CCDC38: variants seen among roughly 807,000 people sequenced by gnomAD.
The protein encoded by CCDC38 is coiled-coil domain-containing protein 38.
Under a neutral mutation model 72.8 loss-of-function variants are expected in CCDC38, and 69 were observed. The observed-to-expected ratio is 0.95, with a 90% CI of 0.78 to 1.16. The LOEUF is 1.16. Ranked by LOEUF, CCDC38 falls within the 50% of genes most tolerant of loss-of-function variation. The pLI, the probability that CCDC38 is intolerant of heterozygous loss-of-function variation, is 0.00. For synonymous variants in CCDC38, 201 were observed against 213.2 expected (o/e 0.94, Z 0.50); for missense variants, 626 against 638.9 (o/e 0.98, Z 0.22).
At chr12:95,878,894 C>A (rs951253926) in intron 12 of CCDC38, among the ~76,000 whole-genome samples, 4 of 152,130 alleles carry the variant, frequency 2.6e-5, no homozygotes, top group Non-Finnish European at 5.9e-5. Flanking sequence ...TAATGGGTAG[C>A]TGTGAGATAA....
chr12:95,880,441 G>C (rs11108316), intron 11 of CCDC38, among the ~76,000 whole-genome samples: 1 of 151,994 alleles, frequency 6.6e-6, no homozygotes, highest in African/African-American at 2.4e-5. Flanking sequence ...GGATCATGAG[G>C]TCAGGAGTTC....
At position 95,869,580 on chromosome 12, in the gene CCDC38, C is replaced by A. The variant is rs1565939490; in HGVS notation, c.1485-7G>T. 1 of 1,603,898 alleles carries A rather than the reference C, an allele frequency of 6.2e-7. No individual in the cohort carries two copies. The highest frequency in any genetic ancestry group is 2.2e-5 in the East Asian group (1 of 44,740). On this transcript the variant is annotated splice_region_variant and splice_polypyrimidine_tract_variant and intron_variant, in intron 14 of 15. Transcript: ENST00000344280. ...CATTTTCTCATCACGAAACCTGTCA[C>A]AAGAAGGGAGAAACATTCTTGTAAC...
chr12:95,929,202 G>A lies in CCDC38; in HGVS notation c.37+7271C>T, dbSNP rs368474938. ...TAGCAATCAGCGAGACTCTGTGGGC[G>A]TAGGACCCTCTGAGCCAGGTGCGGG... is the stretch of plus-strand genomic sequence containing the variant. On this transcript the variant is annotated intron_variant, in intron 2 of 15. Transcript: ENST00000344280. Among the ~76,000 whole-genome samples the A allele has an allele frequency of 9.8e-5, 15 of 152,348 alleles. No individual in the cohort carries two copies. The South Asian group carries it at 1.9e-3, about 19-fold the overall frequency.
chr12:95,925,094 G>T (rs1161349914), intron 2 of CCDC38, among the ~76,000 whole-genome samples: 2 of 151,416 alleles, frequency 1.3e-5, no homozygotes, highest in African/African-American at 4.9e-5. Context: ...CTGGTAGCTT[G>T]ATGGGGATGG....
intron 1 of CCDC38, 51 bp from the exon 2 acceptor site, chr12:95,936,574 TA>T: frequency 6.8e-7 from 1 of 1,472,106 alleles, no homozygotes; most frequent in Non-Finnish European, 9.4e-7. Context: ...GAACATCATA[TA>T]AAAGGGCTAA....
chr12:95,927,098 G>C (rs2080279985), intron 2 of CCDC38, among the ~76,000 whole-genome samples: 1 of 152,190 alleles, frequency 6.6e-6, no homozygotes, highest in South Asian at 2.1e-4. Context: ...GGGTATGCTT[G>C]TTGACTTTCT....
At chr12:95,867,582 G>C (rs10777745) in intron 15 of CCDC38, among the ~76,000 whole-genome samples, 53,410 of 151,982 alleles carry the variant, frequency 0.35, 9,871 homozygotes, top group South Asian at 0.49. Context: ...TTCTCCTGTT[G>C]AGCACCTGAC....
At chr12:95,881,965 C>T (rs2079705428) in intron 10 of CCDC38, among the ~76,000 whole-genome samples, 1 of 152,218 alleles carries the variant, frequency 6.6e-6, no homozygotes, top group African/African-American at 2.4e-5. Flanking sequence ...TGTATCACAG[C>T]CTTCTGACTG....
intron 5 of CCDC38, among the ~76,000 whole-genome samples, chr12:95,904,208 A>G (rs1428228916): frequency 1.3e-5 from 2 of 152,224 alleles, no homozygotes; most frequent in African/African-American, 4.8e-5. Flanking sequence ...AATAATTTTT[A>G]AATGGGTATT....
At chr12:95,932,213 A>G (rs1350986899) in intron 2 of CCDC38, among the ~76,000 whole-genome samples, 1 of 152,128 alleles carries the variant, frequency 6.6e-6, no homozygotes, top group Non-Finnish European at 1.5e-5. Context: ...AGATCAGACT[A>G]GTTCAGGTAA....
At chr12:95,943,041 C>T, upstream of CCDC38, 1 of 189,330 alleles carries the variant, frequency 5.3e-6, no homozygotes, top group Non-Finnish European at 1.1e-5. Flanking sequence ...CCTTGACGCG[C>T]TTCCACATAC....
chr12:95,884,505 A>G (rs946421634), intron 10 of CCDC38, among the ~76,000 whole-genome samples: 3 of 152,208 alleles, frequency 2.0e-5, no homozygotes, highest in African/African-American at 7.2e-5. Flanking sequence ...TTATCCCCAA[A>G]TTGATATACA....
intron 7 of CCDC38, chr12:95,896,452 G>T (rs933206405): frequency 6.6e-6 from 1 of 152,190 alleles, no homozygotes; most frequent in African/African-American, 2.4e-5. Context: ...ATATTACTTT[G>T]TATCAATGTT....
At chr12:95,922,258 C>G (rs988192700) in intron 2 of CCDC38, among the ~76,000 whole-genome samples, 1 of 152,180 alleles carries the variant, frequency 6.6e-6, no homozygotes, top group Non-Finnish European at 1.5e-5. Flanking sequence ...AGTGAATCCC[C>G]CATCCTAAAT....
At chr12:95,890,032 C>G (rs896151767) in intron 9 of CCDC38, among the ~76,000 whole-genome samples, 1 of 152,122 alleles carries the variant, frequency 6.6e-6, no homozygotes, top group Non-Finnish European at 1.5e-5. Context: ...CTACCTCAAC[C>G]TCCTCAGCAG....
At chr12:95,912,333 T>A (rs1408333351) in intron 4 of CCDC38, among the ~76,000 whole-genome samples, 2 of 152,102 alleles carry the variant, frequency 1.3e-5, no homozygotes, top group Non-Finnish European at 2.9e-5. Flanking sequence ...CATACCCTCA[T>A]AACAAACCTG....
At chr12:95,935,855 G>A (rs1385224819) in intron 2 of CCDC38, among the ~76,000 whole-genome samples, 1 of 152,112 alleles carries the variant, frequency 6.6e-6, no homozygotes, top group African/African-American at 2.4e-5. Context: ...GAGGTGGGTG[G>A]ATCACCTGAG....
intron 15 of CCDC38, 97 bp from the exon 16 acceptor site, chr12:95,867,286 GGAA>G (rs1225590115): frequency 1.6e-5 from 11 of 691,340 alleles, no homozygotes; most frequent in Non-Finnish European, 2.6e-5. Flanking sequence ...ATTTTTACAA[GGAA>G]TAATATGGTT....
Position 95,869,477 on chromosome 12 carries a change from A to C in CCDC38, c.1578+3T>G, listed in dbSNP as rs769567285. ...GGCTGGATCTATTAATAGCAAAACA[A>C]ACCTTTTTCTTTGGTTGTGCTACTG... On this transcript the variant is annotated splice_donor_region_variant and intron_variant, in intron 15 of 15. Coordinates refer to ENST00000344280, the MANE Select transcript of CCDC38 (RefSeq NM_182496.3). The C allele has an allele frequency of 6.2e-7, 1 of 1,610,912 alleles. No homozygotes were observed. Among genetic ancestry groups the C allele is most frequent in the Non-Finnish European group, 8.5e-7 (1 of 1,178,456 alleles).
Sources: allele counts gnomAD v4.1 joint callset (sites outside exome capture counted in the v4.1 genomes callset), GRCh38; gene constraint gnomAD v4.1.1; transcripts MANE v1.5; gene names NCBI Gene and HGNC (gene_info 2026-07-23, HGNC 2026-07-21).